C1GALT1: variants seen among roughly 807,000 people sequenced by gnomAD.
The protein encoded by C1GALT1 is glycoprotein-N-acetylgalactosamine 3-beta-galactosyltransferase 1.
In C1GALT1, 11 loss-of-function variants were observed where a neutral mutation model predicts 31.0. That is an observed-to-expected ratio of 0.36 (90% CI 0.22 to 0.59). The LOEUF (loss-of-function observed/expected upper bound fraction) is 0.59. Among genes scored for constraint, C1GALT1 ranks in the 20% least tolerant of loss-of-function variants. The pLI is 0.79. For synonymous variants in C1GALT1, 175 were observed against 143.6 expected (o/e 1.22, Z -1.56); for missense variants, 424 against 425.2 (o/e 1.00, Z 0.03).
At chr7:7,201,852 C>A (rs1165769334) in intron 1 of C1GALT1, among the ~76,000 whole-genome samples, 1 of 152,218 alleles carries the variant, frequency 6.6e-6, no homozygotes, top group East Asian at 1.9e-4. Flanking sequence ...CCTCCTCCCC[C>A]GATTCTGTCC....
At chr7:7,172,510 T>C (rs925262621) in intron 2 of C1GALT1, among the ~76,000 whole-genome samples, 5 of 152,302 alleles carry the variant, frequency 3.3e-5, no homozygotes, top group African/African-American at 9.6e-5. Context: ...ATTTTGGAAG[T>C]TTCTGGCTAT....
intron 1 of C1GALT1, among the ~76,000 whole-genome samples, chr7:7,197,340 T>G (rs1438878565): frequency 6.6e-6 from 1 of 152,184 alleles, no homozygotes; most frequent in Admixed American, 6.5e-5. Flanking sequence ...TTGTCAAAGA[T>G]CAGAAGGTTG....
chr7:7,228,834 C>A (rs569422764), intron 1 of C1GALT1, among the ~76,000 whole-genome samples: 2 of 152,196 alleles, frequency 1.3e-5, no homozygotes, highest in Non-Finnish European at 2.9e-5. Flanking sequence ...CTTACATTCA[C>A]TCCAGGATAG....
At chr7:7,214,940 A>T (rs1782165039) in intron 1 of C1GALT1, among the ~76,000 whole-genome samples, 1 of 152,200 alleles carries the variant, frequency 6.6e-6, no homozygotes, top group Non-Finnish European at 1.5e-5. Context: ...AACTGCTCTC[A>T]AGATCAGGCT....
At chr7:7,240,592 G>A (rs190855512) in intron 3 of C1GALT1, among the ~76,000 whole-genome samples, 70 of 152,184 alleles carry the variant, frequency 4.6e-4, no homozygotes, top group African/African-American at 1.6e-3. Flanking sequence ...ATGCATATAA[G>A]ATCTTACTAA....
At chr7:7,201,040 C>G (rs1781510925) in intron 1 of C1GALT1, among the ~76,000 whole-genome samples, 2 of 152,244 alleles carry the variant, frequency 1.3e-5, no homozygotes, top group African/African-American at 4.8e-5. Context: ...TGTTCTGTTG[C>G]TGGCGAGGAG....
At chr7:7,191,924 C>T (rs115886895) in intron 1 of C1GALT1, among the ~76,000 whole-genome samples, 2 of 151,896 alleles carry the variant, frequency 1.3e-5, no homozygotes. Flanking sequence ...TGTGGCTTGC[C>T]TTTTACTGTT....
At position 7,246,110 on chromosome 7, in the gene C1GALT1, T is replaced by C. The variant is rs1783832828; in HGVS notation, c.*2383T>C. On this transcript the variant is annotated 3_prime_UTR_variant, in exon 4 of 4. Transcript: ENST00000436587. ...GGAAATAAGTAATAGCTAGTATTTA[T>C]CCAATGCCAACTGTATGCTAGGTAC... 6.6e-6 allele frequency: 1 copy of C among 152,220 alleles called. No homozygotes were observed. Among genetic ancestry groups the C allele is most frequent in the Admixed American group, 6.5e-5 (1 of 15,284 alleles). The allele number at this position is 152,220 out of a possible 1,614,324, so 9.4% of individuals were successfully genotyped here. A position where few individuals can be genotyped will look rare whatever the true frequency, so the allele number is the denominator to read the frequency against.
At chr7:7,222,977 A>G (rs1217191097) in intron 1 of C1GALT1, among the ~76,000 whole-genome samples, 2 of 152,116 alleles carry the variant, frequency 1.3e-5, no homozygotes, top group Admixed American at 6.5e-5. Context: ...TGAGTTACTT[A>G]CGTGATGAAA....
chr7:7,187,539 A>G (rs1780875128), intron 1 of C1GALT1, among the ~76,000 whole-genome samples: 1 of 152,198 alleles, frequency 6.6e-6, no homozygotes, highest in South Asian at 2.1e-4. Flanking sequence ...GTCTACAGAC[A>G]TTTTTGTTTG....
At chr7:7,165,291 T>A (rs1436839205) in intron 2 of C1GALT1, among the ~76,000 whole-genome samples, 1 of 152,186 alleles carries the variant, frequency 6.6e-6, no homozygotes, top group Non-Finnish European at 1.5e-5. Context: ...CTTTACTCAC[T>A]GTGGTGGGAT....
chr7:7,232,685 T>TA (rs1783144270), intron 1 of C1GALT1, among the ~76,000 whole-genome samples: 1 of 152,156 alleles, frequency 6.6e-6, no homozygotes, highest in African/African-American at 2.4e-5. Flanking sequence ...AGATGGGGTT[T>TA]CACCATGTTG....
intron 2 of C1GALT1, among the ~76,000 whole-genome samples, chr7:7,168,558 C>T (rs1277656290): frequency 6.6e-6 from 1 of 152,168 alleles, no homozygotes; most frequent in Non-Finnish European, 1.5e-5. Flanking sequence ...CAATCTTCTC[C>T]TATTTTTCCT....
chr7:7,167,797 T>G (rs749047927), intron 2 of C1GALT1, among the ~76,000 whole-genome samples: 1 of 152,122 alleles, frequency 6.6e-6, no homozygotes, highest in Non-Finnish European at 1.5e-5. Context: ...GTTTCTCCTC[T>G]TTTCTCACCC....
rs377377965 is a variant in C1GALT1 at position 7,172,602 on chromosome 7, G to A, written c.-18+15176G>A. ...ATATGCTGGTCCTCTTGATGATGAC[G>A]CACAGGTCCCTTCATCTCTGTAAAC... On this transcript the variant is annotated intron_variant, in intron 2 of 3. Coordinates refer to the C1GALT1 transcript ENST00000429911. Among the ~76,000 whole-genome samples, 225 of 152,060 alleles carry A rather than the reference G, an allele frequency of 1.5e-3. 10 individuals are homozygous for A. The South Asian group carries it at 0.044, about 30-fold the overall frequency.
chr7:7,200,778 C>G (rs1781498712), intron 1 of C1GALT1, among the ~76,000 whole-genome samples: 1 of 152,182 alleles, frequency 6.6e-6, no homozygotes, highest in Non-Finnish European at 1.5e-5. Context: ...TTTCTTCCAC[C>G]TGATCAATTC....
upstream of C1GALT1, among the ~76,000 whole-genome samples, chr7:7,180,244 A>C (rs1780555209): frequency 6.6e-6 from 1 of 152,260 alleles, no homozygotes; most frequent in African/African-American, 2.4e-5. Context: ...CATATAAAGT[A>C]TATTTTTCAA....
intron 1 of C1GALT1, among the ~76,000 whole-genome samples, chr7:7,184,141 A>G (rs1780714499): frequency 6.6e-6 from 1 of 152,216 alleles, no homozygotes; most frequent in Admixed American, 6.5e-5. Context: ...ATAGTACACT[A>G]TACTTTCTAC....
chr7:7,238,745 C>T lies in C1GALT1; in HGVS notation c.711C>T (p.Ser237=). ...CAGACAAGTGTACACATAGTTCCTC[C>T]ATTGAAGACTTAGCACTGGGGAGAT... ...FKTDKCTHSS[S]IEDLALGRCM... Residue 237 remains serine, a synonymous_variant, in exon 3 of 4, where the codon TCC becomes TCT. Coordinates refer to ENST00000436587, the MANE Select transcript of C1GALT1 (RefSeq NM_020156.5). This position sits in a 1 kb window ranked among gnomAD's most constrained non-coding sequence, Gnocchi z 5.2. 2.5e-6 allele frequency: 4 copies of T among 1,613,794 alleles called. No individual in the cohort carries two copies. Among genetic ancestry groups the T allele is most frequent in the East Asian group, 2.2e-5 (1 of 44,870 alleles).
Sources: gnomAD v4.1 joint callset for allele counts (sites outside exome capture counted in the v4.1 genomes callset) on GRCh38, gnomAD v4.1.1 for gene constraint, Gnocchi (gnomAD v3.1) non-coding constraint, MANE v1.5 for transcripts, NCBI Gene and HGNC (gene_info 2026-07-23, HGNC 2026-07-21) for gene names.